SEC14L1: variants seen among roughly 807,000 people sequenced by gnomAD.
The protein encoded by SEC14L1 is SEC14-like protein 1.
Under a neutral mutation model 85.3 loss-of-function variants are expected in SEC14L1, and 48 were observed. The ratio of observed to expected loss-of-function variants is 0.56; its 90% CI spans 0.45 to 0.72. The LOEUF is 0.72. SEC14L1 is among the 30% of genes least tolerant of loss of function. SEC14L1 has a pLI of 0.00. For missense variants in SEC14L1, 682 were observed against 921.4 expected, an observed-to-expected ratio of 0.74 and a Z score of 3.36; for synonymous variants, 391 against 355.5, an observed-to-expected ratio of 1.10 and a Z score of -1.12.
chr17:77,211,897 A>G, intron 14 of SEC14L1, 53 bp from the exon 15 acceptor site: 7 of 1,598,886 alleles, frequency 4.4e-6, no homozygotes, highest in Non-Finnish European at 8.5e-7. Context: ...CGCTCGCAGC[A>G]TGCCGGCCTG....
chr17:77,200,780 A>G lies in SEC14L1; in HGVS notation c.1009+107A>G, dbSNP rs1468402186. On this transcript the variant is annotated intron_variant, in intron 9 of 16. Coordinates refer to ENST00000436233, the MANE Select transcript of SEC14L1 (RefSeq NM_001143998.2). ...AGTTGAGTGGGGCCCCCTTGAGTGCATCGTTTCTCCTCACTCTGAGAATTT... is the reference window on the plus strand; with the variant it reads ...AGTTGAGTGGGGCCCCCTTGAGTGCGTCGTTTCTCCTCACTCTGAGAATTT... 5 of 1,036,816 alleles carry G rather than the reference A, an allele frequency of 4.8e-6. No homozygotes were observed. In the East Asian group the frequency reaches 1.2e-4, roughly 25 times the overall value. The allele number at this position is 1,036,816 out of a possible 1,614,324, so 64.2% of individuals were successfully genotyped here.
At chr17:77,102,212 C>T (rs1971793970) in intron 3 of SEC14L1, among the ~76,000 whole-genome samples, 2 of 152,256 alleles carry the variant, frequency 1.3e-5, no homozygotes, top group African/African-American at 4.8e-5. Flanking sequence ...CGCTTTGATA[C>T]AGCTAAGTGG....
Position 77,216,674 on chromosome 17 carries a change from CT to C in SEC14L1, c.*2656del. 1.3e-6 allele frequency: 2 copies of C among 1,589,968 alleles called. No homozygotes were observed. Among genetic ancestry groups the C allele is most frequent in the Non-Finnish European group, 8.6e-7 (1 of 1,162,646 alleles). ...CCCCCTCCCAGGCTGAAGATCTGTT[CT>C]TTTTAAGTTGATTCGGGAGTGGCAT... On this transcript the variant is annotated 3_prime_UTR_variant, in exon 17 of 17. Coordinates refer to ENST00000436233, the MANE Select transcript of SEC14L1 (RefSeq NM_001143998.2).
At chr17:77,200,783 G>A (rs934510400) in intron 9 of SEC14L1, 110 bp downstream of exon 9, 6 of 995,032 alleles carry the variant, frequency 6.0e-6, no homozygotes, top group Middle Eastern at 2.9e-4. Context: ...TGAGTGCATC[G>A]TTTCTCCTCA....
chr17:77,214,245 G>C lies in SEC14L1; in HGVS notation c.*222G>C. On this transcript the variant is annotated 3_prime_UTR_variant, in exon 17 of 17. Transcript: ENST00000436233. Reference sequence around the variant, plus strand: ...CTCAATAGCCATAGATTTTGTATACGTTGTGCACAAAATCCAACCAGAGCG... The same window carrying C: ...CTCAATAGCCATAGATTTTGTATACCTTGTGCACAAAATCCAACCAGAGCG... 7.4e-7 allele frequency: 1 copy of C among 1,352,792 alleles called. No individual in the cohort carries two copies. The highest frequency in any genetic ancestry group is 3.6e-5 in the Admixed American group (1 of 28,144). The allele number at this position is 1,352,792 out of a possible 1,614,324, so 83.8% of individuals were successfully genotyped here. A position where few individuals can be genotyped will look rare whatever the true frequency, so the allele number is the denominator to read the frequency against.
chr17:77,120,120 C>T (rs1163549357), intron 3 of SEC14L1, among the ~76,000 whole-genome samples: 1 of 152,040 alleles, frequency 6.6e-6, no homozygotes, highest in Non-Finnish European at 1.5e-5. Context: ...CCTGTAAATC[C>T]CAGCACTTTG....
chr17:77,209,578 G>A (rs1403349724), intron 14 of SEC14L1, 102 bp downstream of exon 14: 24 of 1,254,062 alleles, frequency 1.9e-5, no homozygotes, highest in African/African-American at 7.6e-5. Flanking sequence ...CAGTCCACTC[G>A]TTTTTCTGCT....
chr17:77,130,462 G>A (rs1972578293), intron 3 of SEC14L1, among the ~76,000 whole-genome samples: 2 of 151,410 alleles, frequency 1.3e-5, no homozygotes, highest in Non-Finnish European at 1.5e-5. Context: ...GATTACAAGT[G>A]CGCTACCACA....
Position 77,213,015 on chromosome 17 carries a change from C to T in SEC14L1, c.1864-299C>T, listed in dbSNP as rs1976843095. On this transcript the variant is annotated intron_variant, in intron 15 of 16. Coordinates refer to ENST00000436233, the MANE Select transcript of SEC14L1 (RefSeq NM_001143998.2). This position sits in a 1 kb window ranked among gnomAD's most constrained non-coding sequence, Gnocchi z 7.1. ...AGCCCTCCCTCCAGCATGGGTGCCACCAGCCTGCCAGGCTCCTGCCTCCGT... is the reference window on the plus strand; with the variant it reads ...AGCCCTCCCTCCAGCATGGGTGCCATCAGCCTGCCAGGCTCCTGCCTCCGT... Among the ~76,000 whole-genome samples the T allele has an allele frequency of 6.6e-6, 1 of 152,230 alleles. No individual in the cohort carries two copies. The highest frequency in any genetic ancestry group is 2.4e-5 in the African/African-American group (1 of 41,456).
rs1304986534 is a variant in SEC14L1 at position 77,215,360 on chromosome 17, G to A, written c.*1337G>A. On this transcript the variant is annotated 3_prime_UTR_variant, in exon 17 of 17. Transcript: ENST00000436233. ...ATAAGGACATGCAACACGTGTTTCT[G>A]TGTGCAGCAGAGGCCGTGTTTTTCA... 1.0e-6 allele frequency: 1 copy of A among 985,432 alleles called. No individual in the cohort carries two copies. The highest frequency in any genetic ancestry group is 1.2e-6 in the Non-Finnish European group (1 of 829,940). 61.0% of individuals were successfully genotyped at this position (985,432 alleles called of 1,614,324 possible). A position where few individuals can be genotyped will look rare whatever the true frequency, so the allele number is the denominator to read the frequency against.
chr17:77,123,467 G>A (rs1271292538), intron 3 of SEC14L1, among the ~76,000 whole-genome samples: 5 of 142,818 alleles, frequency 3.5e-5, no homozygotes, highest in Admixed American at 7.0e-5. Flanking sequence ...GCTGGAGTGC[G>A]GTGGCGAGAT....
intron 7 of SEC14L1, among the ~76,000 whole-genome samples, chr17:77,195,782 T>G (rs573889154): frequency 6.6e-6 from 1 of 152,286 alleles, no homozygotes; most frequent in African/African-American, 2.4e-5. Context: ...GCCACCAGAT[T>G]TCTTACATTC....
At chr17:77,193,702 A>G (rs903405855) in intron 6 of SEC14L1, among the ~76,000 whole-genome samples, 153 bp downstream of exon 6, 2 of 152,150 alleles carry the variant, frequency 1.3e-5, no homozygotes, top group African/African-American at 2.4e-5. Context: ...ATCTTTAGGT[A>G]TAGGGGTTGA....
intron 8 of SEC14L1, 50 bp downstream of exon 8, chr17:77,196,361 C>A: frequency 1.9e-6 from 2 of 1,078,130 alleles, no homozygotes; most frequent in South Asian, 1.4e-5. Flanking sequence ...TACGTGAAAT[C>A]ATGGAATCTC....
intron 3 of SEC14L1, among the ~76,000 whole-genome samples, chr17:77,158,036 C>T (rs528623059): frequency 2.6e-5 from 4 of 152,208 alleles, no homozygotes; most frequent in South Asian, 4.1e-4. Flanking sequence ...CATGAGCCAC[C>T]GTGCCTGGCC....
chr17:77,155,993 C>T (rs1338651900), intron 3 of SEC14L1, among the ~76,000 whole-genome samples: 1 of 152,184 alleles, frequency 6.6e-6, no homozygotes, highest in African/African-American at 2.4e-5. Flanking sequence ...GCCTCCACAC[C>T]CACTGCACAG....
chr17:77,180,168 A>G (rs941583126), intron 3 of SEC14L1, among the ~76,000 whole-genome samples: 3 of 151,534 alleles, frequency 2.0e-5, no homozygotes, highest in African/African-American at 4.9e-5. Flanking sequence ...CAGTGGCGTG[A>G]TCTTGGTTCA....
intron 3 of SEC14L1, among the ~76,000 whole-genome samples, chr17:77,098,363 G>C (rs1446882622): frequency 3.0e-4 from 45 of 152,028 alleles, no homozygotes; most frequent in African/African-American, 1.0e-3. Flanking sequence ...GTCAGGCGTG[G>C]TGGTGCATAC....
At chr17:77,120,403 T>C (rs1354609074) in intron 3 of SEC14L1, among the ~76,000 whole-genome samples, 1 of 151,730 alleles carries the variant, frequency 6.6e-6, no homozygotes, top group Non-Finnish European at 1.5e-5. Context: ...GCTGTGTGTC[T>C]GCGTGTTCTA....
Sources: allele counts gnomAD v4.1 joint callset (sites outside exome capture counted in the v4.1 genomes callset), GRCh38; gene constraint gnomAD v4.1.1; non-coding constraint Gnocchi (gnomAD v3.1); transcripts MANE v1.5; gene names NCBI Gene and HGNC (gene_info 2026-07-23, HGNC 2026-07-21).